The following WWOX variants were observed in gnomAD, a reference collection of about 807,000 sequenced individuals.
WWOX encodes the protein WW domain-containing oxidoreductase.
In WWOX, 69 loss-of-function variants were observed where a neutral mutation model predicts 46.2. That is an observed-to-expected ratio of 1.49 (90% CI 1.23 to 1.82). WWOX has a LOEUF of 1.82. Among genes scored for constraint, WWOX ranks in the 40% most tolerant of loss-of-function variants. The pLI is 0.00. For synonymous variants in WWOX, 359 were observed against 202.6 expected (o/e 1.77, Z -6.56); for missense variants, 919 against 542.6 (o/e 1.69, Z -6.89).
At chr16:79,040,517 C>G (rs376301608) in intron 8 of WWOX, among the ~76,000 whole-genome samples, 33 of 152,234 alleles carry the variant, frequency 2.2e-4, no homozygotes, top group African/African-American at 7.7e-4. Flanking sequence ...CTCAGGTGAT[C>G]TACCTACCTT....
At chr16:79,205,077 A>G (rs2051463935) in intron 8 of WWOX, 2 of 152,198 alleles carry the variant, frequency 1.3e-5, no homozygotes, top group Admixed American at 1.3e-4. Flanking sequence ...CGTAAACAGG[A>G]AAGGCCACAG....
intron 8 of WWOX, among the ~76,000 whole-genome samples, chr16:78,973,686 A>G (rs2046516211): frequency 6.6e-6 from 1 of 152,202 alleles, no homozygotes; most frequent in Non-Finnish European, 1.5e-5. Context: ...CTTTTAACAA[A>G]TGAAAGTTTA....
chr16:78,556,924 G>T (rs1341760426), intron 8 of WWOX, among the ~76,000 whole-genome samples: 1 of 151,922 alleles, frequency 6.6e-6, no homozygotes, highest in Non-Finnish European at 1.5e-5. Context: ...TTGCCATATT[G>T]GTCAGGCTGG....
At chr16:78,314,154 C>T (rs963647613) in intron 5 of WWOX, among the ~76,000 whole-genome samples, 106 of 152,054 alleles carry the variant, frequency 7.0e-4, no homozygotes, top group African/African-American at 2.4e-3. Context: ...CGCCTGGAAT[C>T]CCAGCACTTT....
At position 78,261,816 on chromosome 16, in the gene WWOX, A is replaced by G. The variant is rs545545147; in HGVS notation, c.516+97527A>G. 8.9e-5 allele frequency among the ~76,000 whole-genome samples: 13 copies of G among 146,848 alleles called. No individual in the cohort carries two copies. The Admixed American group carries it at 8.9e-4, about 10-fold the overall frequency. On this transcript the variant is annotated intron_variant, in intron 5 of 8. Transcript: ENST00000566780. The stretch of plus-strand genomic sequence containing the variant: ...TATATATATATATATATATATATAT[A>G]TACTTATAATGTGGTGGGTTCTCGA...
intron 8 of WWOX, among the ~76,000 whole-genome samples, chr16:79,021,694 T>A (rs188740484): frequency 5.3e-5 from 8 of 152,320 alleles, no homozygotes; most frequent in Admixed American, 5.2e-4. Flanking sequence ...ATTGCCTAAA[T>A]GACAGTAATG....
At chr16:78,996,984 G>C (rs2047003122) in intron 8 of WWOX, among the ~76,000 whole-genome samples, 1 of 152,208 alleles carries the variant, frequency 6.6e-6, no homozygotes, top group African/African-American at 2.4e-5. Context: ...TTTCGCCTTG[G>C]CAGTCCCTCG....
At chr16:78,711,714 G>C (rs139519134) in intron 8 of WWOX, among the ~76,000 whole-genome samples, 2 of 152,144 alleles carry the variant, frequency 1.3e-5, no homozygotes, top group Non-Finnish European at 2.9e-5. Context: ...TTGAATATAA[G>C]TGTTCCCTCC....
chr16:79,050,365 T>G (rs2048143843), intron 8 of WWOX, among the ~76,000 whole-genome samples: 2 of 152,312 alleles, frequency 1.3e-5, no homozygotes, highest in South Asian at 4.1e-4. Flanking sequence ...CTCATCTTCC[T>G]GGGACCAGCA....
At chr16:78,493,319 C>T (rs1369995797) in intron 8 of WWOX, among the ~76,000 whole-genome samples, 1 of 152,124 alleles carries the variant, frequency 6.6e-6, no homozygotes, top group Non-Finnish European at 1.5e-5. Flanking sequence ...TTATTTGGGT[C>T]CAGAAGCTTC....
intron 8 of WWOX, among the ~76,000 whole-genome samples, chr16:78,522,574 A>C (rs918281899): frequency 6.6e-6 from 1 of 152,214 alleles, no homozygotes; most frequent in Non-Finnish European, 1.5e-5. Flanking sequence ...AGACATCTAC[A>C]CTGGGAAATT....
chr16:78,249,337 A>T (rs1216915748), intron 5 of WWOX, among the ~76,000 whole-genome samples: 3 of 152,140 alleles, frequency 2.0e-5, no homozygotes, highest in African/African-American at 7.2e-5. Context: ...CTTTTCCTCC[A>T]GGGACTCCTG....
At chr16:78,782,816 T>A (rs1305697200) in intron 8 of WWOX, among the ~76,000 whole-genome samples, 3 of 152,200 alleles carry the variant, frequency 2.0e-5, no homozygotes, top group Non-Finnish European at 2.9e-5. Context: ...TAAGATGTAC[T>A]GTTATTTTAT....
In WWOX at chr16:78,920,005, A is replaced by T. The variant is rs1282051039; in HGVS notation, c.1057-291603A>T. On this transcript the variant is annotated intron_variant, in intron 8 of 8. Coordinates refer to ENST00000566780, the MANE Select transcript of WWOX (RefSeq NM_016373.4). ...CCTCCTTCTCATGCTTTTGGAAGGG[A>T]AGCACTGAGGGTCATTGTATCAGTC... 2.2e-4 allele frequency among the ~76,000 whole-genome samples: 33 copies of T among 152,172 alleles called. 1 individual carries two copies. The highest frequency in any genetic ancestry group is 1.9e-4 in the East Asian group (1 of 5,184).
chr16:78,977,343 G>C (rs377625961), intron 8 of WWOX, among the ~76,000 whole-genome samples: 1 of 152,162 alleles, frequency 6.6e-6, no homozygotes, highest in Non-Finnish European at 1.5e-5. Flanking sequence ...AGAGGCCTGA[G>C]ATCCTCCAGA....
At chr16:78,342,592 T>C (rs960646913) in intron 5 of WWOX, among the ~76,000 whole-genome samples, 2 of 120,544 alleles carry the variant, frequency 1.7e-5, no homozygotes, top group East Asian at 3.9e-4. Context: ...TAAAGGTCTC[T>C]AGCCCAGAAG....
intron 8 of WWOX, among the ~76,000 whole-genome samples, chr16:78,464,270 G>A (rs200607859): frequency 3.3e-5 from 5 of 151,814 alleles, no homozygotes; most frequent in African/African-American, 1.2e-4. Flanking sequence ...GGATGACAGG[G>A]AGATGGAGGG....
intron 5 of WWOX, among the ~76,000 whole-genome samples, chr16:78,253,361 T>A (rs1041087648): frequency 6.6e-6 from 1 of 152,202 alleles, no homozygotes; most frequent in Non-Finnish European, 1.5e-5. Flanking sequence ...ATGCACAAAG[T>A]GTTTTGCATG....
At chr16:79,166,954 T>G (rs2050606214) in intron 8 of WWOX, among the ~76,000 whole-genome samples, 1 of 152,300 alleles carries the variant, frequency 6.6e-6, no homozygotes, top group African/African-American at 2.4e-5. Context: ...ATAATTATTT[T>G]TTTTTGAGAC....
Sources: gnomAD v4.1 joint callset for allele counts (sites outside exome capture counted in the v4.1 genomes callset) on GRCh38, gnomAD v4.1.1 for gene constraint, MANE v1.5 for transcripts, NCBI Gene and HGNC (gene_info 2026-07-23, HGNC 2026-07-21) for gene names.